Variants in CACNA1I observed in about 807,000 individuals in gnomAD.
The protein encoded by CACNA1I is voltage-dependent T-type calcium channel subunit alpha-1I.
CACNA1I carries 74 observed loss-of-function variants against 201.6 expected under a neutral mutation model. That is an observed-to-expected ratio of 0.37 (90% confidence interval 0.30 to 0.45). The LOEUF is 0.45. Among genes scored for constraint, CACNA1I ranks in the 20% least tolerant of loss-of-function variants. The pLI is 1.00. For missense variants in CACNA1I, 2,346 were observed against 3,138.1 expected, an observed-to-expected ratio of 0.75 and a Z score of 6.03; for synonymous variants, 1,431 against 1,345.2, an observed-to-expected ratio of 1.06 and a Z score of -1.40.
In CACNA1I at chr22:39,685,934, G is replaced by C; in HGVS notation, c.6201G>C (p.Leu2067=). ...TGTCCCCCGCCGCTCGCCGCCGCCT[G>C]AGCCTGCGCGGCCGGGGCCTCTTCA... ...AGLSPAARRR[L]SLRGRGLFSL... The change falls in exon 37 of 37, where the codon CTG becomes CTC. Residue 2067 remains leucine (L), a synonymous_variant. Coordinates refer to ENST00000402142, the MANE Select transcript of CACNA1I (RefSeq NM_021096.4). This position sits in a 1 kb window ranked among gnomAD's most constrained non-coding sequence, Gnocchi z 5.0. 3 of 1,292,558 alleles carry C rather than the reference G, an allele frequency of 2.3e-6. No individual in the cohort carries two copies. Among genetic ancestry groups the C allele is most frequent in the Non-Finnish European group, 2.9e-6 (3 of 1,030,216 alleles). 80.1% of individuals were successfully genotyped at this position (1,292,558 alleles called of 1,614,324 possible). A position where few individuals can be genotyped will look rare whatever the true frequency, so the allele number is the denominator to read the frequency against.
chr22:39,640,804 C>T, intron 5 of CACNA1I, 63 bp from the exon 6 acceptor site: 4 of 1,388,594 alleles, frequency 2.9e-6, no homozygotes, highest in Non-Finnish European at 4.0e-6. Context: ...CCTCTCCCTT[C>T]CTGATCCTCC....
At chr22:39,620,237 G>GTCCA (rs67971450) in intron 4 of CACNA1I, among the ~76,000 whole-genome samples, 1,861 of 117,734 alleles carry the variant, frequency 0.016, 19 homozygotes, top group African/African-American at 0.033. Context: ...CCATCCACCT[G>GTCCA]TCCATCCATC....
chr22:39,641,075 G>A lies in CACNA1I; in HGVS notation c.949G>A (p.Val317Ile). The A allele has an allele frequency of 6.2e-7, 1 of 1,614,062 alleles. No individual in the cohort carries two copies. Among genetic ancestry groups the A allele is most frequent in the Non-Finnish European group, 8.5e-7 (1 of 1,179,902 alleles). ...RQDLNASGLC[V>I]NWNRYYNVCR... ...GGACCTCAATGCCAGCGGCCTCTGT[G>A]TCAACTGGAACCGTTACTACAATGT... The change falls in exon 6 of 37, where the codon GTC becomes ATC. Residue 317 changes from valine to isoleucine, a missense_variant. Around this residue, in one of 13 missense-constraint regions of CACNA1I, gnomAD observed 227 missense variants for 412.5 expected, o/e 0.55. Coordinates refer to ENST00000402142, the MANE Select transcript of CACNA1I (RefSeq NM_021096.4).
At position 39,658,277 on chromosome 22, in the gene CACNA1I, C is replaced by T. The variant is rs778202719; in HGVS notation, c.2118C>T (p.Ile706=). The stretch of plus-strand genomic sequence containing the variant: ...ACTACCTGCGTAACCCCTACAACAT[C>T]TTCGACAGCATCATTGTCATCATCA... ...LFDYLRNPYN[I]FDSIIVIISI... The change falls in exon 11 of 37, where the codon ATC becomes ATT. Residue 706 remains isoleucine (I), a synonymous_variant. Transcript: ENST00000402142. 8 of 1,613,956 alleles carry T rather than the reference C, an allele frequency of 5.0e-6. No homozygotes were observed. Among genetic ancestry groups the T allele is most frequent in the Non-Finnish European group, 6.8e-6 (8 of 1,179,866 alleles).
In CACNA1I at chr22:39,677,278, C is replaced by T; in HGVS notation, c.4855-63C>T. ...CCCCACTGCCCCAGCCTCCACCCTTCCCAGGCCTGGTGCGCCCCCACCCGC... is the reference window on the plus strand; with the variant it reads ...CCCCACTGCCCCAGCCTCCACCCTTTCCAGGCCTGGTGCGCCCCCACCCGC... On this transcript the variant is annotated intron_variant, in intron 29 of 36. Transcript: ENST00000402142. The surrounding 1 kb of genome is among the most constrained non-coding windows in gnomAD (Gnocchi z 4.8). 2 of 1,168,806 alleles carry T rather than the reference C, an allele frequency of 1.7e-6. No homozygotes were observed. Among genetic ancestry groups the T allele is most frequent in the Non-Finnish European group, 2.5e-6 (2 of 813,486 alleles). The allele number at this position is 1,168,806 out of a possible 1,614,324, so 72.4% of individuals were successfully genotyped here. A position where few individuals can be genotyped will look rare whatever the true frequency, so the allele number is the denominator to read the frequency against.
chr22:39,642,025 G>C (rs978804672), intron 6 of CACNA1I, among the ~76,000 whole-genome samples: 5 of 152,198 alleles, frequency 3.3e-5, no homozygotes, highest in African/African-American at 1.2e-4. Flanking sequence ...GCAGACAGAG[G>C]GGGAGCTGAG....
intron 3 of CACNA1I, among the ~76,000 whole-genome samples, chr22:39,607,827 A>G (rs1171816601): frequency 6.6e-6 from 1 of 152,018 alleles, no homozygotes; most frequent in Non-Finnish European, 1.5e-5. Context: ...CATGTCTACT[A>G]AAAATACAAA....
chr22:39,669,577 A>G (rs970880073), intron 24 of CACNA1I, among the ~76,000 whole-genome samples: 7 of 150,278 alleles, frequency 4.7e-5, no homozygotes, highest in African/African-American at 1.5e-4. Flanking sequence ...GGGTAGATAA[A>G]TGAATGGGTG....
chr22:39,610,570 G>A (rs917895427), intron 3 of CACNA1I, among the ~76,000 whole-genome samples: 6 of 152,270 alleles, frequency 3.9e-5, no homozygotes, highest in Non-Finnish European at 7.4e-5. Flanking sequence ...GCCTGACACG[G>A]GTCAATCATG....
At chr22:39,573,514 C>T (rs933309673) in intron 1 of CACNA1I, among the ~76,000 whole-genome samples, 4 of 152,054 alleles carry the variant, frequency 2.6e-5, no homozygotes, top group African/African-American at 9.7e-5. Flanking sequence ...GCAGTCTCCT[C>T]TCTCTGAGCC....
chr22:39,678,166 C>T (rs1356275310), intron 31 of CACNA1I, 58 bp downstream of exon 31: 2 of 1,565,902 alleles, frequency 1.3e-6, no homozygotes, highest in South Asian at 2.4e-5. Flanking sequence ...AGTGAGGATG[C>T]TGGTCCTGCT....
At chr22:39,608,146 A>G (rs1057262401) in intron 3 of CACNA1I, among the ~76,000 whole-genome samples, 1 of 151,774 alleles carries the variant, frequency 6.6e-6, no homozygotes, top group African/African-American at 2.4e-5. Context: ...AAATACAAAT[A>G]CAAATTCAAA....
chr22:39,577,764 T>A (rs545431335), intron 1 of CACNA1I, among the ~76,000 whole-genome samples: 1 of 152,176 alleles, frequency 6.6e-6, no homozygotes, highest in Non-Finnish European at 1.5e-5. Flanking sequence ...CAGCCCTGGC[T>A]CCTTTAGGGT....
At chr22:39,672,824 G>A in intron 27 of CACNA1I, 125 bp from the exon 28 acceptor site, 1 of 1,029,402 alleles carries the variant, frequency 9.7e-7, no homozygotes, top group Non-Finnish European at 1.4e-6. Flanking sequence ...AGGGAGGGCA[G>A]CCACACAGCC....
intron 3 of CACNA1I, among the ~76,000 whole-genome samples, chr22:39,615,772 C>T (rs965894571): frequency 2.6e-5 from 4 of 152,134 alleles, no homozygotes; most frequent in African/African-American, 4.8e-5. Flanking sequence ...GCAGGAGATG[C>T]GGCCACCGCA....
intron 26 of CACNA1I, 62 bp downstream of exon 26, chr22:39,671,016 C>T: frequency 1.3e-6 from 2 of 1,525,124 alleles, no homozygotes; most frequent in Non-Finnish European, 1.8e-6. Flanking sequence ...TCAGCAGGAC[C>T]CCACCCCAGG....
intron 7 of CACNA1I, among the ~76,000 whole-genome samples, chr22:39,645,117 G>A (rs1228679482): frequency 6.6e-6 from 1 of 151,968 alleles, no homozygotes; most frequent in Admixed American, 6.6e-5. Context: ...TTCCTGAGTA[G>A]CTGGGATTAC....
chr22:39,596,830 T>G (rs1932904798), intron 1 of CACNA1I, among the ~76,000 whole-genome samples: 1 of 152,052 alleles, frequency 6.6e-6, no homozygotes, highest in South Asian at 2.1e-4. Flanking sequence ...AGCCAGTCAG[T>G]GCTGGGACGA....
intron 4 of CACNA1I, among the ~76,000 whole-genome samples, chr22:39,630,192 C>G (rs968673952): frequency 1.2e-4 from 18 of 152,196 alleles, no homozygotes; most frequent in Non-Finnish European, 2.1e-4. Context: ...TCCTGCCTTT[C>G]CTGGCCCCCT....
Sources: gnomAD v4.1 joint callset for allele counts (sites outside exome capture counted in the v4.1 genomes callset) on GRCh38, gnomAD v4.1.1 for gene constraint, gnomAD v4.1.1 regional missense constraint, Gnocchi (gnomAD v3.1) non-coding constraint, MANE v1.5 for transcripts, NCBI Gene and HGNC (gene_info 2026-07-23, HGNC 2026-07-21) for gene names.